The following HTR4 variants were observed in gnomAD, a reference collection of about 807,000 sequenced individuals.
The protein encoded by HTR4 is 5-hydroxytryptamine (serotonin) receptor 4, G protein-coupled.
A neutral mutation model predicts 36.8 loss-of-function variants in HTR4; 16 were observed. The observed-to-expected ratio is 0.43, with a 90% CI of 0.29 to 0.66. The LOEUF (loss-of-function observed/expected upper bound fraction) is 0.66, where lower values mean the gene tolerates loss of function less well. HTR4 is among the 30% of genes least tolerant of loss of function. HTR4 has a pLI of 0.13. For missense variants in HTR4, 438 were observed against 490.9 expected (o/e 0.89, Z 1.02); for synonymous variants, 189 against 185.1 (o/e 1.02, Z -0.17).
chr5:148,587,748 T>C (rs1180956627), intron 2 of HTR4, among the ~76,000 whole-genome samples: 2 of 152,172 alleles, frequency 1.3e-5, no homozygotes, highest in Non-Finnish European at 2.9e-5. Context: ...TGGGGAAGCC[T>C]TTGCAGAAAC....
chr5:148,463,177 T>C (rs1178947700), intron 5 of HTR4, among the ~76,000 whole-genome samples: 1 of 129,864 alleles, frequency 7.7e-6, no homozygotes, highest in Non-Finnish European at 1.6e-5. Flanking sequence ...TTTTTTTTTT[T>C]TTTTTTTTTT....
chr5:148,504,809 G>A (rs1241052405), intron 6 of HTR4, among the ~76,000 whole-genome samples: 2 of 152,126 alleles, frequency 1.3e-5, no homozygotes, highest in Non-Finnish European at 2.9e-5. Flanking sequence ...TGATTAAGGG[G>A]ATATCACTAC....
chr5:148,644,291 C>A (rs1408278115), intron 1 of HTR4, among the ~76,000 whole-genome samples: 1 of 152,066 alleles, frequency 6.6e-6, no homozygotes, highest in Non-Finnish European at 1.5e-5. Context: ...GCTCCCTTTT[C>A]ATTTTCTGTT....
chr5:148,590,282 C>CT (rs1561637446), intron 2 of HTR4, among the ~76,000 whole-genome samples: 2 of 75,696 alleles, frequency 2.6e-5, no homozygotes, highest in African/African-American at 4.9e-5. Context: ...TTTCTTTTTT[C>CT]TTTTCTTTTT....
chr5:148,651,704 A>T (rs2127321041), intron 1 of HTR4, among the ~76,000 whole-genome samples: 1 of 151,732 alleles, frequency 6.6e-6, no homozygotes, highest in South Asian at 2.1e-4. Flanking sequence ...ATATTATTGA[A>T]TATTATTGAA....
In HTR4 at chr5:148,560,811, A is replaced by G. The variant is rs530677403; in HGVS notation, c.27-10549T>C. On this transcript the variant is annotated intron_variant, in intron 2 of 6. Coordinates refer to ENST00000377888, the MANE Select transcript of HTR4 (RefSeq NM_000870.7). ...ACCCACATATTTTTATTGCAAGTCC[A>G]GTATTTCTCCTACTAAATTTTAAAC... Among the ~76,000 whole-genome samples, 7 of 152,322 alleles carry G rather than the reference A, an allele frequency of 4.6e-5. No homozygotes were observed. The South Asian group carries it at 1.4e-3, about 32-fold the overall frequency.
At chr5:148,593,855 C>G (rs62388997) in intron 2 of HTR4, among the ~76,000 whole-genome samples, 1 of 152,070 alleles carries the variant, frequency 6.6e-6, no homozygotes, top group Non-Finnish European at 1.5e-5. Context: ...TACAAATGAC[C>G]AATGCTTCAA....
chr5:148,574,344 T>C (rs1760800446), intron 2 of HTR4, among the ~76,000 whole-genome samples: 1 of 151,904 alleles, frequency 6.6e-6, no homozygotes. Flanking sequence ...AAAAAACATC[T>C]GAAAACACCT....
intron 2 of HTR4, among the ~76,000 whole-genome samples, chr5:148,611,328 G>C (rs1403292299): frequency 6.6e-6 from 1 of 152,086 alleles, no homozygotes; most frequent in Admixed American, 6.5e-5. Context: ...CAGCGGATCT[G>C]TCGGCAGAAA....
intron 2 of HTR4, among the ~76,000 whole-genome samples, chr5:148,567,658 C>A (rs543495892): frequency 1.3e-5 from 2 of 152,208 alleles, no homozygotes; most frequent in East Asian, 3.9e-4. Context: ...GCGCTCTGAC[C>A]TGTGCGCCTG....
intron 2 of HTR4, among the ~76,000 whole-genome samples, chr5:148,590,390 C>T: frequency 7.1e-6 from 1 of 141,376 alleles, no homozygotes; most frequent in South Asian, 2.3e-4. Context: ...CCTCCACCTC[C>T]CGGTTTCAAG....
intron 2 of HTR4, among the ~76,000 whole-genome samples, chr5:148,632,815 C>T (rs780276281): frequency 3.3e-5 from 5 of 152,002 alleles, no homozygotes; most frequent in Non-Finnish European, 7.4e-5. Flanking sequence ...ACGTGTCAGC[C>T]GGGAGAATCT....
At chr5:148,475,630 G>A (rs575549915), downstream of HTR4, among the ~76,000 whole-genome samples, 365 of 152,272 alleles carry the variant, frequency 2.4e-3, 1 homozygote, top group African/African-American at 8.4e-3. Context: ...TCTCAGATTA[G>A]ACAACTGGCA....
chr5:148,526,146 G>C (rs977926702), intron 4 of HTR4, among the ~76,000 whole-genome samples: 1 of 152,176 alleles, frequency 6.6e-6, no homozygotes, highest in African/African-American at 2.4e-5. Flanking sequence ...GAGACAACAA[G>C]TGTGTATTGT....
Position 148,483,247 on chromosome 5 carries a change from G to C in HTR4, c.1123C>G (p.Pro375Ala). 1 of 1,614,004 alleles carries C rather than the reference G, an allele frequency of 6.2e-7. No homozygotes were observed. The highest frequency in any genetic ancestry group is 8.5e-7 in the Non-Finnish European group (1 of 1,179,958). Residue 375 changes from proline (P) to alanine (A), a missense_variant, in exon 7 of 7, where the codon CCA (proline) becomes GCA (alanine). Coordinates refer to ENST00000377888, the MANE Select transcript of HTR4 (RefSeq NM_000870.7). Reference protein sequence around the residue: ...GGQWESQCHPPATSPLVAAQP... With the variant: ...GGQWESQCHPAATSPLVAAQP... ...GCAGCCACCAAAGGAGAAGTTGCTG[G>C]CGGGTGACACTGACTCTCCCACTGG...
chr5:148,481,872 T>A lies in HTR4; in HGVS notation c.*1331A>T. On this transcript the variant is annotated 3_prime_UTR_variant, in exon 7 of 7. Transcript: ENST00000377888. Reference sequence around the variant, plus strand: ...AATCTGAAGGACAAAGCTGGAAAGGTCAGGGGTCTAAAAGGCCCAAATGAG... The same window carrying A: ...AATCTGAAGGACAAAGCTGGAAAGGACAGGGGTCTAAAAGGCCCAAATGAG... 8.1e-7 allele frequency: 1 copy of A among 1,234,518 alleles called. No homozygotes were observed. The highest frequency in any genetic ancestry group is 1.0e-6 in the Non-Finnish European group (1 of 990,384). 76.5% of individuals were successfully genotyped at this position (1,234,518 alleles called of 1,614,324 possible). A position where few individuals can be genotyped will look rare whatever the true frequency, so the allele number is the denominator to read the frequency against.
intron 2 of HTR4, among the ~76,000 whole-genome samples, chr5:148,632,397 GAGA>G (rs1753355345): frequency 6.6e-6 from 1 of 152,098 alleles, no homozygotes; most frequent in African/African-American, 2.4e-5. Context: ...TCATTTCGTG[GAGA>G]AGAAGCCGAT....
At chr5:148,451,122 G>A in exon 6 of HTR4, 6 of 1,608,822 alleles carry the variant, frequency 3.7e-6, no homozygotes, top group Non-Finnish European at 4.2e-6. Context: ...AGTGATGCCA[G>A]GGTGACCTGT....
At chr5:148,474,442 A>G (rs1755645899), downstream of HTR4, among the ~76,000 whole-genome samples, 2 of 152,164 alleles carry the variant, frequency 1.3e-5, no homozygotes, top group South Asian at 4.1e-4. Context: ...GATGATTGCC[A>G]TGCTAATTCA....
Sources: allele counts gnomAD v4.1 joint callset (sites outside exome capture counted in the v4.1 genomes callset), GRCh38; gene constraint gnomAD v4.1.1; transcripts MANE v1.5; gene names NCBI Gene and HGNC (gene_info 2026-07-23, HGNC 2026-07-21).